FGF13: variants seen among roughly 807,000 people sequenced by gnomAD.
FGF13 encodes the protein fibroblast growth factor homologous factor 2.
A neutral mutation model predicts 19.5 loss-of-function variants in FGF13; 2 were observed. The ratio of observed to expected loss-of-function variants is 0.10; its 90% CI spans 0.04 to 0.32. The LOEUF is 0.32. FGF13 is among the 10% of genes least tolerant of loss of function. The pLI is 1.00. For missense variants in FGF13, 113 were observed against 192.7 expected, an observed-to-expected ratio of 0.59 and a Z score of 2.45; for synonymous variants, 72 against 76.9, an observed-to-expected ratio of 0.94 and a Z score of 0.33.
chrX:138,830,687 T>TTGTGTGTGTG (rs144759178), intron 3 of FGF13, among the ~76,000 whole-genome samples: 3,135 of 87,451 alleles, frequency 0.036, 63 homozygotes, highest in Middle Eastern at 0.053. Flanking sequence ...AAAGGGGTGT[T>TTGTGTGTGTG]TGTGTGTGTG....
intron 1 of FGF13, chrX:138,739,100 G>T: frequency 2.8e-6 from 1 of 354,404 alleles, no homozygotes; most frequent in Non-Finnish European, 5.0e-6. Flanking sequence ...AGGGAATCAA[G>T]AACCCCTGTC....
intron 1 of FGF13, among the ~76,000 whole-genome samples, chrX:139,153,698 G>A (rs899001303): frequency 4.5e-5 from 5 of 111,862 alleles, no homozygotes. Context: ...CCAAGTACCT[G>A]TGAATGTGAC....
chrX:138,948,513 T>C (rs1383818247), intron 1 of FGF13, among the ~76,000 whole-genome samples: 2 of 111,944 alleles, frequency 1.8e-5, no homozygotes, highest in African/African-American at 6.5e-5. Context: ...TGGTGAACTT[T>C]TGGCTTTATC....
chrX:138,819,073 T>C (rs1334192580), intron 3 of FGF13, among the ~76,000 whole-genome samples: 1 of 111,244 alleles, frequency 9.0e-6, no homozygotes, highest in East Asian at 2.8e-4. Flanking sequence ...AACTTTTTTT[T>C]CGGAAGCCCC....
intron 3 of FGF13, among the ~76,000 whole-genome samples, chrX:138,846,955 A>G (rs1262318940): frequency 8.9e-6 from 1 of 111,733 alleles, no homozygotes; most frequent in African/African-American, 3.3e-5. Context: ...TCTTAGGCCT[A>G]CAGAATGAGC....
rs759493772 is a variant in FGF13 at position 139,027,311 on chromosome X, C to A, written c.-112-162661G>T. 1.2e-4 allele frequency among the ~76,000 whole-genome samples: 13 copies of A among 112,414 alleles called. No homozygotes were observed. The South Asian group carries it at 4.8e-3, about 41-fold the overall frequency. On this transcript the variant is annotated intron_variant, in intron 1 of 2. Coordinates refer to the FGF13 transcript ENST00000421460. ...ATTTGGAAGTGGCATTAATGCATAA[C>A]CTTTTTTCCAGAATGGCATGCAAGT...
At chrX:138,756,233 G>A (rs1337842864) in intron 3 of FGF13, among the ~76,000 whole-genome samples, 2 of 112,717 alleles carry the variant, frequency 1.8e-5, no homozygotes, top group Non-Finnish European at 3.7e-5. Context: ...GAAAACCTTT[G>A]CTACAATTCC....
chrX:139,065,481 C>CAAAA (rs767805587), intron 1 of FGF13, among the ~76,000 whole-genome samples: 20 of 30,759 alleles, frequency 6.5e-4, no homozygotes, highest in East Asian at 1.2e-3. Flanking sequence ...AAACGGAAAG[C>CAAAA]AAAAAAAAAA....
At chrX:139,141,110 C>CAT (rs1222800802) in intron 1 of FGF13, among the ~76,000 whole-genome samples, 6 of 107,716 alleles carry the variant, frequency 5.6e-5, no homozygotes, top group African/African-American at 2.1e-4. Context: ...TGTACACACA[C>CAT]ACACACACAC....
intron 1 of FGF13, among the ~76,000 whole-genome samples, chrX:138,995,594 G>C (rs1054639144): frequency 4.4e-5 from 5 of 112,434 alleles, no homozygotes; most frequent in Non-Finnish European, 7.5e-5. Flanking sequence ...AGTTTGCTAA[G>C]TATGATAGCC....
chrX:138,882,893 C>T (rs1176563448), intron 1 of FGF13, among the ~76,000 whole-genome samples: 1 of 111,395 alleles, frequency 9.0e-6, no homozygotes, highest in Admixed American at 9.6e-5. Flanking sequence ...TTGAAAACCT[C>T]TGCCCTAGAT....
chrX:138,809,157 G>C (rs2090899452), intron 3 of FGF13, among the ~76,000 whole-genome samples: 2 of 111,323 alleles, frequency 1.8e-5, no homozygotes, highest in South Asian at 7.5e-4. Context: ...GAGAATTTTA[G>C]ACCAATATCC....
chrX:138,645,153 A>G (rs966387006), intron 3 of FGF13, among the ~76,000 whole-genome samples: 1 of 111,897 alleles, frequency 8.9e-6, no homozygotes, highest in African/African-American at 3.3e-5. Flanking sequence ...TTTGAAATAT[A>G]TAACAATCTG....
intron 1 of FGF13, among the ~76,000 whole-genome samples, chrX:138,868,377 T>TGC (rs377387200): frequency 5.6e-4 from 61 of 108,771 alleles, no homozygotes; most frequent in Non-Finnish European, 9.8e-4. Flanking sequence ...TGTGTGTGTG[T>TGC]GCGTGTGTGT....
At chrX:138,984,083 T>C (rs1184300851) in intron 1 of FGF13, among the ~76,000 whole-genome samples, 2 of 111,139 alleles carry the variant, frequency 1.8e-5, no homozygotes, top group African/African-American at 6.6e-5. Flanking sequence ...AGCATTTTGT[T>C]TATGGTTTTG....
chrX:139,180,651 C>G (rs1167209565), intron 1 of FGF13, among the ~76,000 whole-genome samples: 3 of 111,211 alleles, frequency 2.7e-5, no homozygotes, highest in South Asian at 7.8e-4. Flanking sequence ...TGGCTGTACA[C>G]ACAACTGAAG....
intron 1 of FGF13, among the ~76,000 whole-genome samples, chrX:139,089,832 T>C (rs2083428275): frequency 9.0e-6 from 1 of 111,712 alleles, no homozygotes; most frequent in Admixed American, 9.5e-5. Flanking sequence ...TAACATCATC[T>C]TTGTGACCAT....
rs931506082 is a variant in FGF13, at chrX:138,621,870, C to G, written c.*10980G>C. ...AAACAGATAAATTTCTAGAAACATACCACAACCTAGCAAGACTGAATCATG... is the reference window on the plus strand; with the variant it reads ...AAACAGATAAATTTCTAGAAACATAGCACAACCTAGCAAGACTGAATCATG... On this transcript the variant is annotated 3_prime_UTR_variant, in exon 5 of 5. Transcript: ENST00000315930. 1 of 110,664 alleles carries G rather than the reference C, an allele frequency of 9.0e-6. No individual in the cohort carries two copies. The highest frequency in any genetic ancestry group is 1.9e-5 in the Non-Finnish European group (1 of 52,800). 9.1% of individuals were successfully genotyped at this position (110,664 alleles called of 1,213,427 possible).
At chrX:139,090,168 C>T (rs1027678417) in intron 1 of FGF13, among the ~76,000 whole-genome samples, 5 of 111,865 alleles carry the variant, frequency 4.5e-5, no homozygotes, top group African/African-American at 1.3e-4. Context: ...AGCACCATGA[C>T]CACAGCAGCT....
Sources: gnomAD v4.1 joint callset for allele counts (sites outside exome capture counted in the v4.1 genomes callset) on GRCh38, gnomAD v4.1.1 for gene constraint, MANE v1.5 for transcripts, NCBI Gene and HGNC (gene_info 2026-07-23, HGNC 2026-07-21) for gene names.